Variants in GRM7 observed in about 807,000 individuals in gnomAD.
The protein encoded by GRM7 is metabotropic glutamate receptor 7.
Under a neutral mutation model 84.5 loss-of-function variants are expected in GRM7, and 35 were observed. That is an observed-to-expected ratio of 0.41 (90% confidence interval 0.32 to 0.55). The LOEUF is 0.55. GRM7 is among the 20% of genes least tolerant of loss of function. The pLI, the probability that GRM7 is intolerant of heterozygous loss-of-function variation, is 0.19. For synonymous variants in GRM7, 487 were observed against 455.1 expected, an observed-to-expected ratio of 1.07 and a Z score of -0.89; for missense variants, 1,003 against 1,194.6, an observed-to-expected ratio of 0.84 and a Z score of 2.36.
chr3:7,009,475 C>T (rs1575124959), intron 1 of GRM7, among the ~76,000 whole-genome samples: 1 of 152,132 alleles, frequency 6.6e-6, no homozygotes, highest in Admixed American at 6.5e-5. Context: ...GTTTTCTATC[C>T]ATTTTCTTAT....
chr3:6,898,160 G>A (rs1696255312), intron 1 of GRM7, among the ~76,000 whole-genome samples: 1 of 152,082 alleles, frequency 6.6e-6, no homozygotes, highest in Non-Finnish European at 1.5e-5. Context: ...GGGCTGATAG[G>A]ATATATATTG....
intron 1 of GRM7, among the ~76,000 whole-genome samples, chr3:7,046,309 G>GT (rs916208498): frequency 6.6e-6 from 1 of 152,116 alleles, no homozygotes; most frequent in Non-Finnish European, 1.5e-5. Flanking sequence ...AGTAGCAAGT[G>GT]TGAGTAGTTG....
At chr3:6,871,727 T>C (rs1695127439) in intron 1 of GRM7, among the ~76,000 whole-genome samples, 1 of 152,124 alleles carries the variant, frequency 6.6e-6, no homozygotes, top group African/African-American at 2.4e-5. Flanking sequence ...TTTAACACTA[T>C]CATTATGTAA....
intron 5 of GRM7, among the ~76,000 whole-genome samples, chr3:7,427,836 C>T (rs1182421774): frequency 3.3e-5 from 5 of 152,302 alleles, no homozygotes; most frequent in South Asian, 4.1e-4. Context: ...CACAAAATGG[C>T]AGCTCAGGGT....
At chr3:7,017,503 T>G (rs923000356) in intron 1 of GRM7, among the ~76,000 whole-genome samples, 1 of 152,214 alleles carries the variant, frequency 6.6e-6, no homozygotes, top group Non-Finnish European at 1.5e-5. Flanking sequence ...GGGGTAAAGT[T>G]TATAGTCTTA....
rs538061034 is a variant in GRM7, at chr3:7,160,908, C to T, written c.736+14240C>T. ...GGTAGGTATTGTTTGTCTTGGACTT[C>T]GCTGCCAGTCCTTAGAACAGTGCCT... On this transcript the variant is annotated intron_variant, in intron 2 of 9. Coordinates refer to ENST00000357716, the MANE Select transcript of GRM7 (RefSeq NM_000844.4). Among the ~76,000 whole-genome samples, 8 of 152,182 alleles carry T rather than the reference C, an allele frequency of 5.3e-5. No homozygotes were observed. The East Asian group carries it at 7.7e-4, about 15-fold the overall frequency.
intron 2 of GRM7, among the ~76,000 whole-genome samples, chr3:7,171,691 C>A (rs868438363): frequency 6.6e-6 from 1 of 152,200 alleles, no homozygotes; most frequent in Non-Finnish European, 1.5e-5. Context: ...AACCGTCCTA[C>A]ACACCTGCCT....
At chr3:6,946,983 T>C (rs530114999) in intron 1 of GRM7, among the ~76,000 whole-genome samples, 2 of 152,340 alleles carry the variant, frequency 1.3e-5, no homozygotes, top group African/African-American at 4.8e-5. Flanking sequence ...AGATATACAA[T>C]CATGTCATCT....
At chr3:6,918,851 G>C (rs1053597598) in intron 1 of GRM7, among the ~76,000 whole-genome samples, 2 of 152,158 alleles carry the variant, frequency 1.3e-5, no homozygotes, top group African/African-American at 4.8e-5. Context: ...TGCACTTCCA[G>C]TCCCGGTTTC....
chr3:7,292,725 TTA>T (rs1045182211), intron 2 of GRM7, among the ~76,000 whole-genome samples: 51 of 147,116 alleles, frequency 3.5e-4, no homozygotes, highest in Non-Finnish European at 6.7e-4. Context: ...TCTTTTTTTT[TTA>T]AAAAAAAAAA....
At chr3:7,304,832 C>A (rs1700133235) in intron 3 of GRM7, among the ~76,000 whole-genome samples, 1 of 151,692 alleles carries the variant, frequency 6.6e-6, no homozygotes, top group Admixed American at 6.6e-5. Flanking sequence ...CATATATTAT[C>A]TCTGCTCCAC....
At chr3:7,295,719 T>C (rs957219541) in intron 2 of GRM7, among the ~76,000 whole-genome samples, 1 of 152,182 alleles carries the variant, frequency 6.6e-6, no homozygotes, top group African/African-American at 2.4e-5. Flanking sequence ...TGTGTTTCAA[T>C]GTAAAATTCA....
At chr3:7,140,355 C>T (rs1693908194) in intron 1 of GRM7, among the ~76,000 whole-genome samples, 1 of 151,796 alleles carries the variant, frequency 6.6e-6, no homozygotes, top group Admixed American at 6.6e-5. Context: ...GGAGGAAAAA[C>T]ATGTTATAAA....
chr3:7,489,047 G>T (rs1173540596), intron 7 of GRM7, among the ~76,000 whole-genome samples: 1 of 151,946 alleles, frequency 6.6e-6, no homozygotes, highest in Non-Finnish European at 1.5e-5. Flanking sequence ...GTGTTGCTTT[G>T]AATACTTCAA....
At chr3:7,073,286 C>A (rs1382237657) in intron 1 of GRM7, among the ~76,000 whole-genome samples, 1 of 151,764 alleles carries the variant, frequency 6.6e-6, no homozygotes, top group South Asian at 2.1e-4. Context: ...AAAATAATTC[C>A]TCTTTGTGCC....
intron 6 of GRM7, among the ~76,000 whole-genome samples, chr3:7,460,427 C>T (rs928168334): frequency 1.3e-5 from 2 of 151,776 alleles, no homozygotes; most frequent in Non-Finnish European, 2.9e-5. Flanking sequence ...AGCTGGGGCT[C>T]ACATTGGGAG....
At chr3:7,272,620 T>G (rs982223508) in intron 2 of GRM7, among the ~76,000 whole-genome samples, 1 of 152,306 alleles carries the variant, frequency 6.6e-6, no homozygotes, top group East Asian at 1.9e-4. Context: ...CCTTATGTTA[T>G]TAAATTTCTA....
At chr3:7,565,828 A>G (rs1232944840) in intron 7 of GRM7, among the ~76,000 whole-genome samples, 1 of 152,204 alleles carries the variant, frequency 6.6e-6, no homozygotes, top group Non-Finnish European at 1.5e-5. Flanking sequence ...ATCAGAAAGG[A>G]TGATTCAACT....
intron 1 of GRM7, among the ~76,000 whole-genome samples, chr3:6,933,469 G>A (rs1159389204): frequency 5.3e-5 from 8 of 152,220 alleles, no homozygotes; most frequent in African/African-American, 1.9e-4. Flanking sequence ...TAAGATGAAA[G>A]ACATCTAATG....
Sources: gnomAD v4.1 joint callset for allele counts (sites outside exome capture counted in the v4.1 genomes callset) on GRCh38, gnomAD v4.1.1 for gene constraint, MANE v1.5 for transcripts, NCBI Gene and HGNC (gene_info 2026-07-23, HGNC 2026-07-21) for gene names.